MYH7B: variants seen among roughly 807,000 people sequenced by gnomAD.
MYH7B encodes the protein myosin-7B.
In MYH7B, 205 loss-of-function variants were observed where a neutral mutation model predicts 234.5. The ratio of observed to expected loss-of-function variants is 0.87; its 90% confidence interval spans 0.78 to 0.98. The LOEUF is 0.98. Among genes scored for constraint, MYH7B ranks in the 50% least tolerant of loss-of-function variants. The pLI, the probability that MYH7B is intolerant of heterozygous loss-of-function variation, is 0.00. For missense variants in MYH7B, 2,652 were observed against 2,633.4 expected, an observed-to-expected ratio of 1.01 and a Z score of -0.15; for synonymous variants, 1,193 against 1,105.0, an observed-to-expected ratio of 1.08 and a Z score of -1.58.
rs764365215 is a variant in MYH7B, at chr20:34,985,063, C to A, written c.742-3C>A. On this transcript the variant is annotated splice_polypyrimidine_tract_variant and splice_region_variant and intron_variant, in intron 12 of 44. Transcript: ENST00000262873. ...TGGCTGAGGGCTGCCCCTCTGCCCA[C>A]AGGGCAAGTTCATCCGCATTCACTT... The A allele has an allele frequency of 6.2e-7, 1 of 1,614,102 alleles. No individual in the cohort carries two copies. Among genetic ancestry groups the A allele is most frequent in the Non-Finnish European group, 8.5e-7 (1 of 1,179,946 alleles).
In MYH7B at chr20:34,996,263, C is replaced by T; in HGVS notation, c.2944-83C>T. 2.1e-6 allele frequency: 3 copies of T among 1,458,090 alleles called. No homozygotes were observed. The South Asian group carries it at 3.8e-5, about 19-fold the overall frequency. 90.3% of individuals were successfully genotyped at this position (1,458,090 alleles called of 1,614,324 possible). A position where few individuals can be genotyped will look rare whatever the true frequency, so the allele number is the denominator to read the frequency against. Reference sequence around the variant, plus strand: ...GCCTGAGTCCCATAGCTGGAAGGGGCACTTGCTCTGACCTGGTGTGGTGTG... The same window carrying T: ...GCCTGAGTCCCATAGCTGGAAGGGGTACTTGCTCTGACCTGGTGTGGTGTG... On this transcript the variant is annotated intron_variant, in intron 28 of 44. Transcript: ENST00000262873.
chr20:34,984,632 C>CA, intron 10 of MYH7B, 60 bp from the exon 11 acceptor site: 2 of 1,478,442 alleles, frequency 1.4e-6, no homozygotes, highest in Non-Finnish European at 1.9e-6. Context: ...TACCCTGCCC[C>CA]ACCCCGCCCT....
At position 34,991,922 on chromosome 20, in the gene MYH7B, T is replaced by C. The variant is rs137939488; in HGVS notation, c.2183+801T>C. On this transcript the variant is annotated intron_variant, in intron 24 of 44. Coordinates refer to ENST00000262873, the Ensembl canonical transcript of MYH7B. ...TGCCTGCCATCGTCATCCGTTTTTCTTGGCTGTGAAACATCTCACAGTCTG... is the reference window on the plus strand; with the variant it reads ...TGCCTGCCATCGTCATCCGTTTTTCCTGGCTGTGAAACATCTCACAGTCTG... 1.2e-3 allele frequency among the ~76,000 whole-genome samples: 188 copies of C among 152,380 alleles called. 1 individual carries two copies. The highest frequency in any genetic ancestry group is 4.3e-3 in the African/African-American group (180 of 41,594).
At chr20:34,986,108 G>C (rs2082017335) in exon 14 of MYH7B, 1 of 1,583,354 alleles carries the variant, frequency 6.3e-7, no homozygotes, top group South Asian at 1.2e-5. Context: ...AGATCTCCTG[G>C]AGAAGTCGCG....
intron 19 of MYH7B, 44 bp downstream of exon 19, chr20:34,988,306 G>T (rs371827995): frequency 4.2e-5 from 66 of 1,586,022 alleles, no homozygotes; most frequent in Non-Finnish European, 5.4e-5. Context: ...GAGGGTGTGT[G>T]TGGTGAGCAA....
intron 11 of MYH7B, 60 bp downstream of exon 11, chr20:34,984,775 C>A: frequency 6.2e-7 from 1 of 1,605,032 alleles, no homozygotes. Flanking sequence ...CTCTGCACAA[C>A]AGAGGGGCCA....
exon 36 of MYH7B, chr20:34,999,241 C>T: frequency 1.2e-6 from 2 of 1,609,032 alleles, no homozygotes; most frequent in Non-Finnish European, 1.7e-6. Context: ...TTGGAACGGG[C>T]ACTGGAGGAA....
intron 2 of MYH7B, among the ~76,000 whole-genome samples, chr20:34,964,318 G>A (rs992317318): frequency 3.3e-5 from 5 of 152,118 alleles, no homozygotes; most frequent in African/African-American, 9.7e-5. Flanking sequence ...TTGTTTTTCA[G>A]TAAGTGTTTA....
chr20:34,979,901 G>A, intron 7 of MYH7B, 97 bp downstream of exon 7: 1 of 1,373,876 alleles, frequency 7.3e-7, no homozygotes. Context: ...GGTGGGGCGG[G>A]GCTGTGAGCG....
exon 29 of MYH7B, chr20:34,996,428 C>T: frequency 1.9e-6 from 3 of 1,613,308 alleles, no homozygotes; most frequent in Non-Finnish European, 2.5e-6. Flanking sequence ...TTGCAGGAGG[C>T]CCACCAACAG....
intron 27 of MYH7B, among the ~76,000 whole-genome samples, chr20:34,994,650 C>T (rs558534755): frequency 2.0e-5 from 3 of 152,350 alleles, no homozygotes; most frequent in African/African-American, 7.2e-5. Context: ...CCCCAGCTCT[C>T]CCCTCCCTGC....
In MYH7B at chr20:34,981,065, G is replaced by C. The variant is rs2081935096; in HGVS notation, c.527+5G>C. 6.2e-7 allele frequency: 1 copy of C among 1,613,772 alleles called. No homozygotes were observed. The highest frequency in any genetic ancestry group is 1.1e-5 in the South Asian group (1 of 91,026). ...CAACCAGTCCATGCTGATCACGTGA[G>C]TGTGGGGCTCTGGGGGTGGGGTGGA... On this transcript the variant is annotated splice_donor_5th_base_variant and intron_variant, in intron 9 of 44. Coordinates refer to ENST00000262873, the Ensembl canonical transcript of MYH7B.
At chr20:34,966,081 G>C (rs573008174) in intron 2 of MYH7B, among the ~76,000 whole-genome samples, 11 of 152,220 alleles carry the variant, frequency 7.2e-5, no homozygotes, top group African/African-American at 2.2e-4. Context: ...AGAGGGTCGG[G>C]GGGTGGGGAG....
At position 34,993,472 on chromosome 20, in the gene MYH7B, TGGGTGTGGGAAGGAGGCTGGGGACA is replaced by T; in HGVS notation, c.2444+10_2444+34del. 6.3e-7 allele frequency: 1 copy of T among 1,592,704 alleles called. No homozygotes were observed. The highest frequency in any genetic ancestry group is 8.5e-7 in the Non-Finnish European group (1 of 1,172,724). On this transcript the variant is annotated splice_donor_5th_base_variant and intron_variant, in intron 26 of 44. Transcript: ENST00000262873. ...GTACCAGCGCCTGCTGGGAGGCAGG[TGGGTGTGGGAAGGAGGCTGGGGACA>T]GGGTGTGTCCCCTGCCTCTCAGCTC...
intron 24 of MYH7B, 58 bp from the exon 25 acceptor site, chr20:34,993,044 C>T: frequency 6.4e-7 from 1 of 1,569,046 alleles, no homozygotes; most frequent in Non-Finnish European, 8.7e-7. Context: ...TCCCCATTCT[C>T]AGTGGCCTGT....
At chr20:34,999,750 T>TTGGGCCCCCCCCC in intron 37 of MYH7B, 41 bp from the exon 38 acceptor site, 1 of 1,320,532 alleles carries the variant, frequency 7.6e-7, no homozygotes, top group South Asian at 1.4e-5. Context: ...CCACTGGCCA[T>TTGGGCCCCCCCCC]CCCCCCCCCC....
exon 17 of MYH7B, chr20:34,987,588 C>T: frequency 1.2e-6 from 2 of 1,613,944 alleles, no homozygotes; most frequent in East Asian, 4.5e-5. Flanking sequence ...TGATGGGGGT[C>T]AGCAGTGGGG....
intron 2 of MYH7B, among the ~76,000 whole-genome samples, chr20:34,960,274 A>C (rs573887313): frequency 2.0e-5 from 3 of 151,882 alleles, no homozygotes; most frequent in East Asian, 1.9e-4. Flanking sequence ...CTTGCTTTGT[A>C]GCCCAGGCTA....
chr20:34,991,022 T>C (rs756997865), exon 24 of MYH7B: 2 of 1,613,138 alleles, frequency 1.2e-6, no homozygotes, highest in Admixed American at 1.7e-5. Flanking sequence ...GATGCCTTCT[T>C]GGTGCTACAC....
Sources: gnomAD v4.1 joint callset for allele counts (sites outside exome capture counted in the v4.1 genomes callset) on GRCh38, gnomAD v4.1.1 for gene constraint, MANE v1.5 for transcripts, NCBI Gene and HGNC (gene_info 2026-07-23, HGNC 2026-07-21) for gene names.